Variants in THSD7B observed in about 807,000 individuals in gnomAD.
THSD7B encodes thrombospondin type 1 domain containing 7B, also known as thrombospondin type-1 domain-containing protein 7B.
A neutral mutation model predicts 213.6 loss-of-function variants in THSD7B; 138 were observed. The observed-to-expected ratio is 0.65, with a 90% CI of 0.56 to 0.74. The LOEUF is 0.74. Ranked by LOEUF, THSD7B falls within the 30% of genes least tolerant of loss-of-function variation. The pLI, the probability that THSD7B is intolerant of heterozygous loss-of-function variation, is 0.00. For missense variants in THSD7B, 1,931 were observed against 1,991.5 expected (o/e 0.97, Z 0.58); for synonymous variants, 742 against 687.0 (o/e 1.08, Z -1.25).
At chr2:137,349,119 G>C (rs369879517) in intron 12 of THSD7B, among the ~76,000 whole-genome samples, 1 of 151,490 alleles carries the variant, frequency 6.6e-6, no homozygotes, top group Non-Finnish European at 1.5e-5. Context: ...TTGTCCTGTG[G>C]CAAAACTCTT....
chr2:137,567,133 C>CTATTTTATTT (rs375165713), intron 16 of THSD7B, among the ~76,000 whole-genome samples: 4,560 of 137,654 alleles, frequency 0.033, 134 homozygotes, highest in African/African-American at 0.056. Flanking sequence ...GTGACATGCT[C>CTATTTTATTT]TATTTTATTT....
At chr2:136,922,623 G>A (rs947590083) in intron 2 of THSD7B, among the ~76,000 whole-genome samples, 2 of 152,120 alleles carry the variant, frequency 1.3e-5, no homozygotes, top group African/African-American at 4.8e-5. Context: ...CATTCTATTT[G>A]TTGTACTTGA....
intron 2 of THSD7B, among the ~76,000 whole-genome samples, chr2:136,996,118 C>T (rs1207739885): frequency 6.6e-6 from 1 of 152,122 alleles, no homozygotes; most frequent in Non-Finnish European, 1.5e-5. Context: ...ATGTCTTAAT[C>T]CTGTGTGTAT....
At chr2:137,502,317 C>G (rs951635577) in intron 15 of THSD7B, among the ~76,000 whole-genome samples, 20 of 151,584 alleles carry the variant, frequency 1.3e-4, no homozygotes, top group African/African-American at 4.6e-4. Flanking sequence ...TAAACACACA[C>G]GTATATATGT....
chr2:137,372,751 G>T (rs1000591222), intron 12 of THSD7B, among the ~76,000 whole-genome samples: 41 of 151,498 alleles, frequency 2.7e-4, no homozygotes, highest in Non-Finnish European at 4.4e-4. Context: ...CAATGTGCAG[G>T]TTAGTTACAT....
intron 14 of THSD7B, among the ~76,000 whole-genome samples, chr2:137,428,481 T>G (rs1687106475): frequency 6.6e-6 from 1 of 152,126 alleles, no homozygotes; most frequent in African/African-American, 2.4e-5. Context: ...CACATAAAAA[T>G]TTGTACACAA....
At chr2:137,259,927 G>T (rs1682402204) in intron 10 of THSD7B, among the ~76,000 whole-genome samples, 1 of 151,796 alleles carries the variant, frequency 6.6e-6, no homozygotes, top group Admixed American at 6.6e-5. Flanking sequence ...GTGCGTGTGG[G>T]TGTGTGCGTG....
chr2:137,555,538 T>A (rs1208122348), intron 15 of THSD7B, among the ~76,000 whole-genome samples: 1 of 151,950 alleles, frequency 6.6e-6, no homozygotes, highest in South Asian at 2.1e-4. Context: ...CAAAACCCCA[T>A]CTGTATGTCA....
chr2:137,422,539 G>A (rs780825339), intron 14 of THSD7B, among the ~76,000 whole-genome samples: 3 of 152,074 alleles, frequency 2.0e-5, no homozygotes, highest in East Asian at 1.9e-4. Context: ...TGGGAATAGC[G>A]GTTCATTTGC....
chr2:136,795,592 T>A (rs191222983), intron 1 of THSD7B, among the ~76,000 whole-genome samples: 1 of 152,050 alleles, frequency 6.6e-6, no homozygotes, highest in Admixed American at 6.6e-5. Flanking sequence ...GTATTGTCAT[T>A]TTTATTATTC....
chr2:137,424,493 C>T (rs1686996830), intron 14 of THSD7B, among the ~76,000 whole-genome samples: 1 of 152,046 alleles, frequency 6.6e-6, no homozygotes, highest in Non-Finnish European at 1.5e-5. Flanking sequence ...AAAATTTTAG[C>T]AAACCAAATT....
chr2:137,648,035 T>A (rs35046211), intron 21 of THSD7B, among the ~76,000 whole-genome samples: 132 of 152,202 alleles, frequency 8.7e-4, no homozygotes, highest in Non-Finnish European at 1.6e-3. Flanking sequence ...AACACCTGAC[T>A]AAAATCGAAG....
chr2:137,038,837 A>G (rs1311983128), intron 2 of THSD7B, among the ~76,000 whole-genome samples: 1 of 152,208 alleles, frequency 6.6e-6, no homozygotes, highest in African/African-American at 2.4e-5. Flanking sequence ...GCTTTTCTGT[A>G]GGATATAAAG....
chr2:137,215,333 G>A (rs1015304347), intron 7 of THSD7B, among the ~76,000 whole-genome samples: 11 of 151,914 alleles, frequency 7.2e-5, no homozygotes, highest in African/African-American at 2.4e-4. Flanking sequence ...GGATATTAGG[G>A]CTAATATCCA....
chr2:137,178,202 C>A (rs1213432379), intron 7 of THSD7B, among the ~76,000 whole-genome samples: 1 of 116,368 alleles, frequency 8.6e-6, no homozygotes, highest in African/African-American at 3.2e-5. Context: ...TTTTTTTTTG[C>A]TTCTTTATTG....
intron 5 of THSD7B, among the ~76,000 whole-genome samples, chr2:137,126,664 C>T (rs1358730024): frequency 1.3e-5 from 2 of 152,022 alleles, no homozygotes; most frequent in African/African-American, 2.4e-5. Flanking sequence ...TTTTAATTTC[C>T]CTCAAAAACT....
At chr2:137,332,774 A>G (rs1573966515) in intron 12 of THSD7B, among the ~76,000 whole-genome samples, 1 of 152,136 alleles carries the variant, frequency 6.6e-6, no homozygotes, top group Admixed American at 6.5e-5. Flanking sequence ...TGATGCTTTT[A>G]TAAGGGGCTT....
chr2:137,055,363 A>G (rs553513051), intron 2 of THSD7B, among the ~76,000 whole-genome samples: 11 of 152,298 alleles, frequency 7.2e-5, no homozygotes, highest in African/African-American at 2.4e-4. Context: ...AGGAATCACC[A>G]CACTGTCTTT....
At chr2:137,647,421 T>TTCTCTCTCTCTCTC (rs60400076) in intron 21 of THSD7B, among the ~76,000 whole-genome samples, 1 of 84,514 alleles carries the variant, frequency 1.2e-5, no homozygotes, top group African/African-American at 4.5e-5. Flanking sequence ...CTCTGTCTCT[T>TTCTCTCTCTCTCTC]TCTCTCTCTC....
Sources: allele counts gnomAD v4.1 joint callset (sites outside exome capture counted in the v4.1 genomes callset), GRCh38; gene constraint gnomAD v4.1.1; transcripts MANE v1.5; gene names NCBI Gene and HGNC (gene_info 2026-07-23, HGNC 2026-07-21).